The following NR2C1 variants were observed in gnomAD, a reference collection of about 807,000 sequenced individuals.
NR2C1 encodes TR2 nuclear hormone receptor.
A neutral mutation model predicts 74.8 loss-of-function variants in NR2C1; 33 were observed. That is an observed-to-expected ratio of 0.44 (90% CI 0.33 to 0.59). The LOEUF is 0.59. NR2C1 is among the 20% of genes least tolerant of loss of function. The pLI is 0.02. For missense variants in NR2C1, 568 were observed against 715.6 expected (o/e 0.79, Z 2.35); for synonymous variants, 225 against 240.6 (o/e 0.94, Z 0.60).
chr12:95,031,383 T>C lies in NR2C1; in HGVS notation c.1359A>G (p.Thr453=), dbSNP rs973148030. ...GACTATTGTGAAGACAATTGACAAATGTTGCTAATATAGTTGCTACATTCA... is the reference window on the plus strand; with the variant it reads ...GACTATTGTGAAGACAATTGACAAACGTTGCTAATATAGTTGCTACATTCA... The part of the protein sequence containing the change: ...QVMNVATILA[T]FVNCLHNSLQ... The change falls in exon 11 of 14, where the codon ACA becomes ACG. Residue 453 remains threonine, a synonymous_variant. Coordinates refer to ENST00000333003, the MANE Select transcript of NR2C1 (RefSeq NM_003297.4). 6.2e-7 allele frequency: 1 copy of C among 1,604,504 alleles called. No homozygotes were observed. Among genetic ancestry groups the C allele is most frequent in the South Asian group, 1.1e-5 (1 of 89,064 alleles).
intron 4 of NR2C1, among the ~76,000 whole-genome samples, chr12:95,058,932 GTAATA>G (rs924760938): frequency 3.0e-4 from 46 of 152,042 alleles, no homozygotes; most frequent in African/African-American, 1.1e-3. Context: ...CTGGCCTAAT[GTAATA>G]TATTATTAAA....
chr12:95,052,303 A>G (rs552524456), intron 7 of NR2C1, among the ~76,000 whole-genome samples: 1 of 151,848 alleles, frequency 6.6e-6, no homozygotes, highest in East Asian at 2.0e-4. Flanking sequence ...TTACAGGCAC[A>G]TGCTACCATG....
At chr12:95,069,029 A>G (rs1456709157) in intron 1 of NR2C1, among the ~76,000 whole-genome samples, 1 of 152,176 alleles carries the variant, frequency 6.6e-6, no homozygotes, top group African/African-American at 2.4e-5. Context: ...AATGGATCCA[A>G]TAAGTACCTC....
intron 2 of NR2C1, 36 bp from the exon 3 acceptor site, chr12:95,062,774 A>G (rs767713128): frequency 1.4e-5 from 21 of 1,516,850 alleles, no homozygotes; most frequent in South Asian, 2.3e-5. Context: ...ATGAAACTCA[A>G]TAATTTTTCT....
rs544396609 is a variant in NR2C1, at chr12:95,058,139, T to C, written c.544+171A>G. The C allele has an allele frequency of 1.8e-4, 118 of 652,128 alleles. 1 individual carries two copies. The African/African-American group carries it at 2.1e-3, about 11-fold the overall frequency. 40.4% of individuals were successfully genotyped at this position (652,128 alleles called of 1,614,324 possible). A position where few individuals can be genotyped will look rare whatever the true frequency, so the allele number is the denominator to read the frequency against. On this transcript the variant is annotated intron_variant, in intron 5 of 13. Coordinates refer to ENST00000333003, the MANE Select transcript of NR2C1 (RefSeq NM_003297.4). ...GCTTTTTACACAGGTATTCAATAAA[T>C]ATTAGTTGAATAAATAAAAAAGTAC...
intron 7 of NR2C1, 76 bp downstream of exon 7, chr12:95,057,476 AC>A (rs1208077606): frequency 2.3e-5 from 24 of 1,050,970 alleles, no homozygotes; most frequent in Non-Finnish European, 2.9e-5. Flanking sequence ...AAAGCAATTT[AC>A]CAAAGCAAAG....
At chr12:95,046,834 G>A (rs1281949678) in intron 9 of NR2C1, among the ~76,000 whole-genome samples, 1 of 152,048 alleles carries the variant, frequency 6.6e-6, no homozygotes, top group Admixed American at 6.5e-5. Flanking sequence ...AGCTAAGCAG[G>A]GAAATCACTG....
chr12:95,023,259 C>G (rs1434166895), intron 13 of NR2C1, among the ~76,000 whole-genome samples: 2 of 152,236 alleles, frequency 1.3e-5, no homozygotes, highest in Non-Finnish European at 2.9e-5. Flanking sequence ...CCTATAACCC[C>G]AGCCACTTGG....
intron 10 of NR2C1, among the ~76,000 whole-genome samples, chr12:95,035,167 G>A (rs1196924546): frequency 6.6e-6 from 1 of 152,122 alleles, no homozygotes; most frequent in Non-Finnish European, 1.5e-5. Context: ...AAAAAGCAAG[G>A]CAAAGAATAG....
Position 95,068,210 on chromosome 12 carries a change from G to A in NR2C1, c.-7-819C>T, listed in dbSNP as rs1402299384. Among the ~76,000 whole-genome samples, 4 of 152,138 alleles carry A rather than the reference G, an allele frequency of 2.6e-5. No homozygotes were observed. The East Asian group carries it at 5.8e-4, about 22-fold the overall frequency. On this transcript the variant is annotated intron_variant, in intron 1 of 13. Coordinates refer to ENST00000333003, the MANE Select transcript of NR2C1 (RefSeq NM_003297.4). ...TCCATGTATCTTTATATGTTTATAC[G>A]GTCTTCCCTCTGAGTGTCTGTGTCC...
Position 95,031,513 on chromosome 12 carries a change from C to T in NR2C1, c.1254-25G>A, listed in dbSNP as rs541813523. The T allele has an allele frequency of 3.9e-6, 6 of 1,543,428 alleles. No homozygotes were observed. The Admixed American group carries it at 1.1e-4, about 27-fold the overall frequency. The stretch of plus-strand genomic sequence containing the variant: ...CCTATTAAAAACAGTAATAAAAGCA[C>T]AAATCAGATATTATTAAAATAAGTT... On this transcript the variant is annotated intron_variant, in intron 10 of 13. Transcript: ENST00000333003.
At chr12:95,058,677 G>A (rs1251113291) in intron 4 of NR2C1, among the ~76,000 whole-genome samples, 188 bp from the exon 5 acceptor site, 8 of 152,064 alleles carry the variant, frequency 5.3e-5, no homozygotes, top group African/African-American at 1.9e-4. Context: ...TCGCTCTGTG[G>A]CCCAGGCTGA....
intron 1 of NR2C1, among the ~76,000 whole-genome samples, chr12:95,070,012 G>C (rs937892718): frequency 6.6e-6 from 1 of 152,188 alleles, no homozygotes; most frequent in Non-Finnish European, 1.5e-5. Flanking sequence ...GTAAGTTAAG[G>C]CTGCTCTGAT....
At chr12:95,042,096 A>T (rs948171435) in intron 9 of NR2C1, among the ~76,000 whole-genome samples, 1 of 152,214 alleles carries the variant, frequency 6.6e-6, no homozygotes, top group Non-Finnish European at 1.5e-5. Flanking sequence ...ATACCTAAAA[A>T]GTACAGAAGG....
chr12:95,069,146 C>T (rs959404199), intron 1 of NR2C1, among the ~76,000 whole-genome samples: 11 of 152,060 alleles, frequency 7.2e-5, no homozygotes, highest in African/African-American at 2.7e-4. Context: ...AGGATTACCA[C>T]AAAAATTAAA....
intron 9 of NR2C1, among the ~76,000 whole-genome samples, chr12:95,047,865 T>G (rs1872505354): frequency 6.6e-6 from 1 of 152,230 alleles, no homozygotes; most frequent in Non-Finnish European, 1.5e-5. Context: ...TTTTCTAGTC[T>G]TCTACATGTA....
intron 9 of NR2C1, among the ~76,000 whole-genome samples, chr12:95,041,718 G>A (rs1304165243): frequency 2.0e-5 from 3 of 152,092 alleles, no homozygotes; most frequent in African/African-American, 7.2e-5. Flanking sequence ...ACCAAGGGTG[G>A]GGTAGTCTGG....
chr12:95,029,069 G>GT (rs1219734121), intron 11 of NR2C1, among the ~76,000 whole-genome samples: 3 of 152,062 alleles, frequency 2.0e-5, no homozygotes, highest in Non-Finnish European at 2.9e-5. Context: ...TATAAAAATC[G>GT]TAAGTAGAAA....
chr12:95,025,089 A>AT, intron 13 of NR2C1, 61 bp downstream of exon 13: 1 of 718,570 alleles, frequency 1.4e-6, no homozygotes, highest in Non-Finnish European at 2.2e-6. Context: ...TAATAATGAG[A>AT]TAACAGATCC....
Sources: allele counts gnomAD v4.1 joint callset (sites outside exome capture counted in the v4.1 genomes callset), GRCh38; gene constraint gnomAD v4.1.1; transcripts MANE v1.5; gene names NCBI Gene and HGNC (gene_info 2026-07-23, HGNC 2026-07-21).